HIVEP1: variants seen among roughly 807,000 people sequenced by gnomAD.
HIVEP1 encodes HIVEP zinc finger 1.
HIVEP1 carries 36 observed loss-of-function variants against 180.0 expected under a neutral mutation model. That is an observed-to-expected ratio of 0.20 (90% CI 0.15 to 0.26). The LOEUF (loss-of-function observed/expected upper bound fraction) is 0.26, where lower values mean the gene tolerates loss of function less well. Among genes scored for constraint, HIVEP1 ranks in the 10% least tolerant of loss-of-function variants. The probability of loss-of-function intolerance (pLI) is 1.00; values close to 1 mark genes in which losing one functional copy is unlikely to be tolerated. For synonymous variants in HIVEP1, 1,239 were observed against 1,239.0 expected, an observed-to-expected ratio of 1.00 and a Z score of 0.00; for missense variants, 3,143 against 3,268.7, an observed-to-expected ratio of 0.96 and a Z score of 0.94.
At chr6:12,030,374 A>AT (rs1450599634) in intron 2 of HIVEP1, among the ~76,000 whole-genome samples, 1 of 151,382 alleles carries the variant, frequency 6.6e-6, no homozygotes. Context: ...TTCTTCATAT[A>AT]TTTTTTCTGT....
intron 2 of HIVEP1, among the ~76,000 whole-genome samples, chr6:12,028,608 A>G (rs752997468): frequency 4.1e-4 from 62 of 152,332 alleles, no homozygotes; most frequent in Non-Finnish European, 6.6e-4. Flanking sequence ...AATAAGTTGT[A>G]TTTGATGGAT....
At position 12,120,491 on chromosome 6, in the gene HIVEP1, C is replaced by T. The variant is rs202164572; in HGVS notation, c.696C>T (p.Ser232=). The T allele has an allele frequency of 1.9e-6, 3 of 1,614,112 alleles. No homozygotes were observed. The highest frequency in any genetic ancestry group is 2.7e-5 in the African/African-American group (2 of 75,008). ...TGAGGCCAAATAAAACTGCACGTTC[C>T]CCTCCCAAATTAAAAAACAGTTCAA... ...EKLRPNKTAR[S]PPKLKNSSMD... Residue 232 remains serine (S), a synonymous_variant, in exon 4 of 9, where the codon TCC becomes TCT. Coordinates refer to ENST00000379388, the MANE Select transcript of HIVEP1 (RefSeq NM_002114.4).
the HIVEP1 span, among the ~76,000 whole-genome samples, chr6:12,201,598 C>T: frequency 2.6e-5 from 4 of 152,210 alleles, no homozygotes; most frequent in South Asian, 4.1e-4. Flanking sequence ...CTTACAATTT[C>T]GGCTTTCACC....
At chr6:12,041,162 C>G (rs1029849125) in intron 2 of HIVEP1, among the ~76,000 whole-genome samples, 1 of 152,184 alleles carries the variant, frequency 6.6e-6, no homozygotes. Context: ...TGGCTCACGC[C>G]TGTAATCCCA....
upstream of HIVEP1, chr6:12,008,047 A>C (rs1397889388): frequency 6.6e-6 from 1 of 152,178 alleles, no homozygotes; most frequent in Non-Finnish European, 1.5e-5. Context: ...TTAAAAAAAA[A>C]AAAATTCTTT....
At chr6:12,162,017 C>G in intron 8 of HIVEP1, 88 bp downstream of exon 8, 3 of 1,244,718 alleles carry the variant, frequency 2.4e-6, no homozygotes, top group Non-Finnish European at 3.3e-6. Flanking sequence ...AAATAATGCA[C>G]TTAAGTGATT....
intron 2 of HIVEP1, among the ~76,000 whole-genome samples, chr6:12,044,338 T>C (rs1209322644): frequency 2.0e-5 from 3 of 152,238 alleles, no homozygotes; most frequent in Non-Finnish European, 2.9e-5. Context: ...GGAAAATATA[T>C]TCTAATTTCT....
Position 12,125,611 on chromosome 6 carries a change from C to A in HIVEP1, c.5816C>A (p.Thr1939Lys). The A allele has an allele frequency of 6.2e-7, 1 of 1,614,186 alleles. No homozygotes were observed. Among genetic ancestry groups the A allele is most frequent in the Non-Finnish European group, 8.5e-7 (1 of 1,180,014 alleles). Residue 1939 changes from threonine (T) to lysine (K), a missense_variant, in exon 4 of 9, where the codon ACA becomes AAA. Coordinates refer to ENST00000379388, the MANE Select transcript of HIVEP1 (RefSeq NM_002114.4). ...QQLAFPSLKT[T>K]TNFTWCYLLR... is the part of the protein sequence containing the mutation. ...CTGGCTTTCCCTAGCCTGAAAACTA[C>A]AACCAACTTTACATGGTGTTATCTC...
chr6:12,209,567 A>G, the HIVEP1 span, among the ~76,000 whole-genome samples: 1 of 152,246 alleles, frequency 6.6e-6, no homozygotes, highest in Admixed American at 6.5e-5. Flanking sequence ...TGTTTTATTC[A>G]CTGATATATG....
In HIVEP1 at chr6:12,120,881, G is replaced by A. The variant is rs762401938; in HGVS notation, c.1086G>A (p.Pro362=). The change falls in exon 4 of 9, where the codon CCG becomes CCA. Residue 362 remains proline (P), a synonymous_variant. Coordinates refer to ENST00000379388, the MANE Select transcript of HIVEP1 (RefSeq NM_002114.4). ...MDSASPLSIS[P]ANSTQSPPMP... ...CTGCTTCACCTTTGTCAATAAGTCC[G>A]GCTAATTCTACACAGTCGCCCCCCA... 1.9e-5 allele frequency: 31 copies of A among 1,613,962 alleles called. No individual in the cohort carries two copies. The highest frequency in any genetic ancestry group is 3.3e-5 in the South Asian group (3 of 91,080).
intron 3 of HIVEP1, among the ~76,000 whole-genome samples, chr6:12,097,716 C>T (rs966181665): frequency 1.3e-5 from 2 of 152,006 alleles, no homozygotes; most frequent in Non-Finnish European, 2.9e-5. Flanking sequence ...ATTTGAAAAT[C>T]CCAAATCCCA....
downstream of HIVEP1, among the ~76,000 whole-genome samples, chr6:12,166,000 A>G (rs912669677): frequency 6.6e-6 from 1 of 152,230 alleles, no homozygotes; most frequent in African/African-American, 2.4e-5. Flanking sequence ...TTACATTTAC[A>G]TATTTCCATA....
chr6:12,201,441 C>T, the HIVEP1 span, among the ~76,000 whole-genome samples: 1 of 152,232 alleles, frequency 6.6e-6, no homozygotes, highest in Admixed American at 6.5e-5. Flanking sequence ...TGTGCCACTG[C>T]ACTCCAGCCT....
chr6:12,127,077 T>G (rs1758121355), intron 4 of HIVEP1, among the ~76,000 whole-genome samples: 1 of 152,078 alleles, frequency 6.6e-6, no homozygotes, highest in Admixed American at 6.6e-5. Context: ...GCCAAGCTGG[T>G]CTTGAACTCC....
At chr6:12,046,876 T>TGTGTGTG (rs1561885761) in intron 2 of HIVEP1, among the ~76,000 whole-genome samples, 7 of 151,040 alleles carry the variant, frequency 4.6e-5, no homozygotes, top group Admixed American at 1.3e-4. Flanking sequence ...TGTGTGTGTG[T>TGTGTGTG]TTGAGATGGA....
intron 2 of HIVEP1, among the ~76,000 whole-genome samples, chr6:12,036,287 A>T (rs1340289365): frequency 6.6e-6 from 1 of 152,198 alleles, no homozygotes; most frequent in African/African-American, 2.4e-5. Flanking sequence ...TAATAAATTG[A>T]TCTTATGCTC....
rs70981665 is a variant in HIVEP1, at chr6:12,104,425, C to CTTTTT, written c.94+15208_94+15212dup. ...CTCTCTCTCTCTCTCCTTTTCTTTC[C>CTTTTT]TTTTTTTTTTTTTTTTTTTTTTTTC... On this transcript the variant is annotated intron_variant, in intron 3 of 8. Transcript: ENST00000379388. Among the ~76,000 whole-genome samples the CTTTTT allele has an allele frequency of 6.5e-3, 470 of 72,780 alleles. 21 individuals carry two copies. The highest frequency in any genetic ancestry group is 8.3e-3 in the Non-Finnish European group (338 of 40,670). 47.7% of individuals were successfully genotyped at this position (72,780 alleles called of 152,430 possible).
At chr6:12,011,535 C>T (rs1767302764), upstream of HIVEP1, among the ~76,000 whole-genome samples, 1 of 150,688 alleles carries the variant, frequency 6.6e-6, no homozygotes, top group Non-Finnish European at 1.5e-5. Context: ...GGCGTCGCGA[C>T]CCAGGGCTCC....
chr6:12,089,856 GTA>G (rs377744422), intron 3 of HIVEP1, among the ~76,000 whole-genome samples: 2 of 151,536 alleles, frequency 1.3e-5, no homozygotes, highest in African/African-American at 2.4e-5. Context: ...GTATTTATAT[GTA>G]TATATATATA....
Sources: allele counts gnomAD v4.1 joint callset (sites outside exome capture counted in the v4.1 genomes callset), GRCh38; gene constraint gnomAD v4.1.1; transcripts MANE v1.5; gene names NCBI Gene and HGNC (gene_info 2026-07-23, HGNC 2026-07-21).